LRTM3: variants seen among roughly 807,000 people sequenced by gnomAD.
The protein encoded by LRTM3 is leucine-rich repeat transmembrane protein 3.
At chr13:102,739,029 C>T in the LRTM3 span, 1 of 1,550,348 alleles carries the variant, frequency 6.5e-7, no homozygotes, top group Non-Finnish European at 8.7e-7. Flanking sequence ...TCTGATAATT[C>T]CTGCTGTGTT....
the LRTM3 span, chr13:102,738,106 A>C: frequency 1.3e-6 from 2 of 1,550,584 alleles, no homozygotes; most frequent in Non-Finnish European, 1.7e-6. Flanking sequence ...GAGCTTCTTG[A>C]TCCATTTTCC....
chr13:102,731,536 AC>A, the LRTM3 span: 1 of 1,551,324 alleles, frequency 6.4e-7, no homozygotes, highest in Non-Finnish European at 8.7e-7. Flanking sequence ...TTGTATCTGG[AC>A]CCTCTGGAAA....
the LRTM3 span, chr13:102,745,525 C>T: frequency 5.2e-6 from 8 of 1,550,976 alleles, no homozygotes; most frequent in Non-Finnish European, 7.0e-6. Flanking sequence ...CAGCACCAGC[C>T]CTGATATTGA....
the LRTM3 span, among the ~76,000 whole-genome samples, chr13:102,750,927 C>G: frequency 1.3e-5 from 2 of 152,138 alleles, no homozygotes; most frequent in Non-Finnish European, 2.9e-5. Context: ...CTTGCCAACA[C>G]CCATGTACCT....
the LRTM3 span, chr13:102,747,311 T>C: frequency 1.3e-6 from 2 of 1,549,866 alleles, no homozygotes; most frequent in Non-Finnish European, 1.7e-6. Context: ...AATTTTATCT[T>C]GCAGTATCTG....
the LRTM3 span, chr13:102,732,948 G>A: frequency 5.2e-6 from 8 of 1,551,468 alleles, no homozygotes; most frequent in South Asian, 2.4e-5. Flanking sequence ...GACTTCGGAA[G>A]AAATTCCAGA....
At chr13:102,729,946 G>T in the LRTM3 span, 1 of 1,551,920 alleles carries the variant, frequency 6.4e-7, no homozygotes, top group Non-Finnish European at 8.7e-7. Flanking sequence ...ATTCAGTTAA[G>T]GGAGCTGAAG....
the LRTM3 span, chr13:102,734,650 G>A: frequency 1.9e-6 from 3 of 1,550,856 alleles, no homozygotes; most frequent in South Asian, 2.4e-5. Context: ...TATCACCAAC[G>A]ACGGACTCTC....
chr13:102,743,393 T>C, the LRTM3 span: 1 of 1,550,600 alleles, frequency 6.4e-7, no homozygotes. Context: ...AGCCACATTT[T>C]CACCTTGCCA....
chr13:102,730,871 T>C, the LRTM3 span: 2 of 1,551,322 alleles, frequency 1.3e-6, no homozygotes, highest in African/African-American at 2.7e-5. Flanking sequence ...ATGGAGAGAT[T>C]TCTCCTCAGA....
At chr13:102,753,148 A>G in the LRTM3 span, among the ~76,000 whole-genome samples, 1 of 152,252 alleles carries the variant, frequency 6.6e-6, no homozygotes, top group East Asian at 1.9e-4. Flanking sequence ...GCCATAAAAA[A>G]GAATGAGTTA....
At chr13:102,745,346 A>C in the LRTM3 span, 21 of 1,550,466 alleles carry the variant, frequency 1.4e-5, no homozygotes, top group African/African-American at 2.6e-4. Flanking sequence ...AGTAGAACTG[A>C]GTCTTTTTTC....
At chr13:102,751,654 G>A in the LRTM3 span, among the ~76,000 whole-genome samples, 1 of 152,092 alleles carries the variant, frequency 6.6e-6, no homozygotes, top group Non-Finnish European at 1.5e-5. Flanking sequence ...CTATTTGTTT[G>A]GAGAACACAG....
the LRTM3 span, among the ~76,000 whole-genome samples, chr13:102,753,897 A>T: frequency 2.0e-5 from 3 of 152,150 alleles, no homozygotes; most frequent in East Asian, 3.9e-4. Flanking sequence ...AATGGGCATG[A>T]TCTAATCCTA....
At chr13:102,743,210 C>T in the LRTM3 span, 7 of 1,550,652 alleles carry the variant, frequency 4.5e-6, no homozygotes, top group South Asian at 7.1e-5. Context: ...GGAAGTTCTT[C>T]TCTTGTCAAT....
chr13:102,747,235 A>G, the LRTM3 span: 6 of 1,550,512 alleles, frequency 3.9e-6, no homozygotes, highest in Admixed American at 2.0e-5. Flanking sequence ...TTAATCTGCT[A>G]TACATTCTAG....
chr13:102,730,473 A>G, the LRTM3 span: 5 of 1,551,382 alleles, frequency 3.2e-6, no homozygotes, highest in African/African-American at 5.5e-5. Context: ...ACAGATTCAC[A>G]TGTATTTCTT....
At chr13:102,742,050 G>C in the LRTM3 span, 1 of 1,550,480 alleles carries the variant, frequency 6.4e-7, no homozygotes, top group Non-Finnish European at 8.7e-7. Flanking sequence ...TTTGGCTGTG[G>C]AAGAATGCAT....
chr13:102,735,430 T>C, the LRTM3 span: 5 of 1,551,362 alleles, frequency 3.2e-6, no homozygotes, highest in Non-Finnish European at 4.4e-6. Flanking sequence ...TCTCCTGTCC[T>C]TCTGTTGTAT....
Sources: allele counts gnomAD v4.1 joint callset (sites outside exome capture counted in the v4.1 genomes callset), GRCh38; gene constraint gnomAD v4.1.1; transcripts MANE v1.5; gene names NCBI Gene and HGNC (gene_info 2026-07-23, HGNC 2026-07-21).